The following LANCL2 variants were observed in gnomAD, a reference collection of about 807,000 sequenced individuals.
LANCL2 encodes the protein lanC-like protein 2.
In LANCL2, 33 loss-of-function variants were observed where a neutral mutation model predicts 56.9. That is an observed-to-expected ratio of 0.58 (90% confidence interval 0.44 to 0.78). The LOEUF (loss-of-function observed/expected upper bound fraction) is 0.78. Ranked by LOEUF, LANCL2 falls within the 30% of genes least tolerant of loss-of-function variation. LANCL2 has a pLI of 0.00. For synonymous variants in LANCL2, 233 were observed against 228.2 expected (o/e 1.02, Z -0.19); for missense variants, 562 against 580.2 (o/e 0.97, Z 0.32).
chr7:55,383,360 G>A (rs149949351), intron 1 of LANCL2, among the ~76,000 whole-genome samples: 62 of 152,250 alleles, frequency 4.1e-4, no homozygotes, highest in African/African-American at 1.4e-3. Flanking sequence ...GGCTGGAGGA[G>A]GCAGTATCTG....
intron 8 of LANCL2, among the ~76,000 whole-genome samples, chr7:55,430,569 T>C (rs1790716554): frequency 6.6e-6 from 1 of 152,278 alleles, no homozygotes. Flanking sequence ...ATATGCATTT[T>C]ACAAACCTCA....
At chr7:55,420,661 A>G (rs1287186546) in intron 6 of LANCL2, among the ~76,000 whole-genome samples, 1 of 152,246 alleles carries the variant, frequency 6.6e-6, no homozygotes, top group Non-Finnish European at 1.5e-5. Flanking sequence ...CAGTTTCTGC[A>G]ACCACTCAGT....
Position 55,411,851 on chromosome 7 carries a change from G to A in LANCL2, c.826-56G>A, listed in dbSNP as rs1790473360. 2.0e-6 allele frequency: 3 copies of A among 1,511,730 alleles called. No individual in the cohort carries two copies. In the Admixed American group the frequency reaches 5.5e-5, roughly 28 times the overall value. The allele number at this position is 1,511,730 out of a possible 1,614,324, so 93.6% of individuals were successfully genotyped here. A position where few individuals can be genotyped will look rare whatever the true frequency, so the allele number is the denominator to read the frequency against. ...GATGTTTTGTTAGCCATGATACAAT[G>A]TAAAAGAAATAACTTCAGAGAAAAT... is the stretch of plus-strand genomic sequence containing the variant. On this transcript the variant is annotated intron_variant, in intron 5 of 8. Transcript: ENST00000254770.
chr7:55,401,342 C>T (rs373843323), intron 5 of LANCL2, 22 bp downstream of exon 5: 2 of 1,591,468 alleles, frequency 1.3e-6, no homozygotes, highest in Non-Finnish European at 1.7e-6. Flanking sequence ...TACTCTTACA[C>T]ACTACAGTAT....
intron 1 of LANCL2, among the ~76,000 whole-genome samples, chr7:55,389,662 C>T (rs1790163580): frequency 6.6e-6 from 1 of 152,092 alleles, no homozygotes; most frequent in African/African-American, 2.4e-5. Context: ...GGGCAGTTCC[C>T]GGGTCCCAGT....
intron 1 of LANCL2, among the ~76,000 whole-genome samples, chr7:55,366,899 G>T (rs193047635): frequency 6.6e-6 from 1 of 152,334 alleles, no homozygotes; most frequent in East Asian, 1.9e-4. Context: ...AGTAAAGTGT[G>T]CGGGGAGGCT....
chr7:55,389,840 C>T (rs1790165357), intron 1 of LANCL2, among the ~76,000 whole-genome samples: 1 of 152,198 alleles, frequency 6.6e-6, no homozygotes, highest in Admixed American at 6.5e-5. Context: ...TTAGCATCAT[C>T]TTTGTTTAAT....
Position 55,409,808 on chromosome 7 carries a change from GT to G in LANCL2, c.826-2096del, listed in dbSNP as rs201047801. Among the ~76,000 whole-genome samples, 1,509 of 152,262 alleles carry G rather than the reference GT, an allele frequency of 9.9e-3. 20 individuals are homozygous for G. The highest frequency in any genetic ancestry group is 0.024 in the Middle Eastern group (7 of 294). The stretch of plus-strand genomic sequence containing the variant: ...TGGGTATGAAAAAGCTTAGGTACTG[GT>G]TTAAAGAAAACTAAGCAAATAAAAT... On this transcript the variant is annotated intron_variant, in intron 5 of 8. Transcript: ENST00000254770.
At chr7:55,422,175 ATTTC>A (rs1790615955) in intron 6 of LANCL2, among the ~76,000 whole-genome samples, 1 of 152,144 alleles carries the variant, frequency 6.6e-6, no homozygotes, top group Non-Finnish European at 1.5e-5. Flanking sequence ...ATCTGGTATT[ATTTC>A]TTTCATCCTG....
intron 1 of LANCL2, among the ~76,000 whole-genome samples, chr7:55,367,301 C>T (rs1789886455): frequency 6.6e-6 from 1 of 152,204 alleles, no homozygotes; most frequent in South Asian, 2.1e-4. Context: ...GGCCACTTCA[C>T]CTCCTTGGAT....
chr7:55,395,111 G>A (rs962956578), intron 2 of LANCL2, among the ~76,000 whole-genome samples: 1 of 152,324 alleles, frequency 6.6e-6, no homozygotes, highest in Non-Finnish European at 1.5e-5. Context: ...AGAGGACACT[G>A]TTGGGATAAA....
chr7:55,419,356 T>TAAA (rs560514934), intron 6 of LANCL2, among the ~76,000 whole-genome samples: 173 of 151,864 alleles, frequency 1.1e-3, no homozygotes, highest in African/African-American at 4.0e-3. Context: ...TTTTTTTTAA[T>TAAA]GTTTAGTAAG....
rs1371355151 is a variant in LANCL2, at chr7:55,431,353, G to A, written c.*33G>A. ...AAAAAGACAACTAAAATACCCATTT[G>A]GACCAAAAGCCACCAGATTGCTTAG... On this transcript the variant is annotated 3_prime_UTR_variant, in exon 9 of 9. Transcript: ENST00000254770. 1 of 1,540,176 alleles carries A rather than the reference G, an allele frequency of 6.5e-7. No homozygotes were observed. Among genetic ancestry groups the A allele is most frequent in the East Asian group, 2.3e-5 (1 of 44,282 alleles).
chr7:55,381,746 C>T (rs539028822), intron 1 of LANCL2, among the ~76,000 whole-genome samples: 2 of 152,320 alleles, frequency 1.3e-5, no homozygotes, highest in African/African-American at 4.8e-5. Context: ...ATACATGGGA[C>T]GTACCCAGGG....
intron 1 of LANCL2, among the ~76,000 whole-genome samples, chr7:55,391,163 C>T (rs1790184415): frequency 6.6e-6 from 1 of 150,692 alleles, no homozygotes. Context: ...ACTACAGGCG[C>T]CCGCCACCAC....
At chr7:55,415,446 AGCTTGTTT>A (rs1393242552) in intron 6 of LANCL2, among the ~76,000 whole-genome samples, 1 of 152,136 alleles carries the variant, frequency 6.6e-6, no homozygotes, top group Non-Finnish European at 1.5e-5. Flanking sequence ...CTGTTCCCGA[AGCTTGTTT>A]GCAAGTTGAT....
intron 5 of LANCL2, among the ~76,000 whole-genome samples, chr7:55,403,781 A>G (rs1349427295): frequency 6.6e-6 from 1 of 151,914 alleles, no homozygotes; most frequent in Non-Finnish European, 1.5e-5. Flanking sequence ...CATATCGGCC[A>G]GGCTGGTCTC....
Position 55,398,407 on chromosome 7 carries a change from TG to T in LANCL2, c.323-13del. The T allele has an allele frequency of 1.3e-6, 2 of 1,590,814 alleles. No homozygotes were observed. Among genetic ancestry groups the T allele is most frequent in the Non-Finnish European group, 1.7e-6 (2 of 1,158,894 alleles). ...AGATAATAATGCTTTTCTTTTGGGGTGGGAAATTATTCCAGGCATAGCCCTT... is the reference window on the plus strand; with the variant it reads ...AGATAATAATGCTTTTCTTTTGGGGTGGAAATTATTCCAGGCATAGCCCTT... On this transcript the variant is annotated splice_polypyrimidine_tract_variant and intron_variant, in intron 2 of 8. Coordinates refer to ENST00000254770, the MANE Select transcript of LANCL2 (RefSeq NM_018697.4).
intron 6 of LANCL2, among the ~76,000 whole-genome samples, chr7:55,413,440 C>T (rs1034914257): frequency 1.3e-5 from 2 of 152,234 alleles, no homozygotes; most frequent in Non-Finnish European, 1.5e-5. Context: ...TGGGTGTTCC[C>T]GGTGGCTGAT....
Sources: allele counts gnomAD v4.1 joint callset (sites outside exome capture counted in the v4.1 genomes callset), GRCh38; gene constraint gnomAD v4.1.1; transcripts MANE v1.5; gene names NCBI Gene and HGNC (gene_info 2026-07-23, HGNC 2026-07-21).